OAS1: variants seen among roughly 807,000 people sequenced by gnomAD.
The protein encoded by OAS1 is 2'-5'-oligoadenylate synthetase 1, also known as 2'-5'-oligoadenylate synthase 1.
OAS1 carries 24 observed loss-of-function variants against 38.5 expected under a neutral mutation model. The ratio of observed to expected loss-of-function variants is 0.62; its 90% CI spans 0.45 to 0.88. OAS1 has a LOEUF of 0.88. Ranked by LOEUF, OAS1 falls within the 40% of genes least tolerant of loss-of-function variation. OAS1 has a pLI of 0.00. For synonymous variants in OAS1, 169 were observed against 193.9 expected, an observed-to-expected ratio of 0.87 and a Z score of 1.07; for missense variants, 482 against 493.9, an observed-to-expected ratio of 0.98 and a Z score of 0.23.
Position 112,919,738 on chromosome 12 carries a change from C to T in OAS1, c.*185C>T, listed in dbSNP as rs1246218476. 8 of 1,478,766 alleles carry T rather than the reference C, an allele frequency of 5.4e-6. No homozygotes were observed. Among genetic ancestry groups the T allele is most frequent in the Non-Finnish European group, 7.2e-6 (8 of 1,110,444 alleles). The allele number at this position is 1,478,766 out of a possible 1,614,324, so 91.6% of individuals were successfully genotyped here. On this transcript the variant is annotated 3_prime_UTR_variant, in exon 6 of 6. Coordinates refer to ENST00000202917, the MANE Select transcript of OAS1 (RefSeq NM_016816.4). The stretch of plus-strand genomic sequence containing the variant: ...TCTATCCTATCATAGATAACATTCT[C>T]CACAGCCTCACTTCATTCCACCTAT...
intron 1 of OAS1, 64 bp downstream of exon 1, chr12:112,907,283 TGAGAGAGA>T: frequency 1.4e-6 from 2 of 1,459,876 alleles, no homozygotes. Flanking sequence ...AGATTGAGAA[TGAGAGAGA>T]GAGAGAGAGA....
chr12:112,908,628 G>A lies in OAS1; in HGVS notation c.273G>A (p.Gln91=). The change falls in exon 2 of 6, where the codon CAG becomes CAA. Residue 91 remains glutamine (Q), a synonymous_variant. Transcript: ENST00000202917. The part of the protein sequence containing the change: ...FLSPLTTFQD[Q]LNRRGEFIQE... ...GTCCTCTCACCACTTTTCAGGATCA[G>A]TTAAATCGCCGGGGAGAGTTCATCC... 1 of 1,614,220 alleles carries A rather than the reference G, an allele frequency of 6.2e-7. No individual in the cohort carries two copies. Among genetic ancestry groups the A allele is most frequent in the Non-Finnish European group, 8.5e-7 (1 of 1,180,038 alleles).
intron 6 of OAS1, among the ~76,000 whole-genome samples, chr12:112,924,950 G>A (rs1171123717): frequency 2.0e-5 from 3 of 152,320 alleles, no homozygotes; most frequent in East Asian, 1.9e-4. Context: ...AGAGGACCAA[G>A]TGTGTAAGGA....
At chr12:112,912,373 A>G (rs558859554) in intron 3 of OAS1, among the ~76,000 whole-genome samples, 1 of 152,246 alleles carries the variant, frequency 6.6e-6, no homozygotes, top group African/African-American at 2.4e-5. Flanking sequence ...CAAAAACTCG[A>G]ATTTGGGTCT....
downstream of OAS1, chr12:112,932,751 C>T (rs1482822147): frequency 6.6e-6 from 1 of 152,224 alleles, no homozygotes; most frequent in Non-Finnish European, 1.5e-5. Context: ...GAGGTTCAGA[C>T]AGGTTGAAAT....
chr12:112,924,991 C>T (rs1276780544), intron 6 of OAS1, among the ~76,000 whole-genome samples: 2 of 152,080 alleles, frequency 1.3e-5, no homozygotes, highest in Admixed American at 1.3e-4. Context: ...CATTGAAGCA[C>T]CTGAGCTGGA....
chr12:112,914,733 T>G (rs1275342841), intron 3 of OAS1, among the ~76,000 whole-genome samples: 15 of 125,422 alleles, frequency 1.2e-4, no homozygotes, highest in African/African-American at 6.8e-4. Flanking sequence ...GGTATTTGTT[T>G]TTTTTTTTTT....
chr12:112,928,285 G>C (rs1356539754), intron 6 of OAS1, among the ~76,000 whole-genome samples: 4 of 152,212 alleles, frequency 2.6e-5, no homozygotes, highest in Non-Finnish European at 5.9e-5. Context: ...CCTGCCTCCA[G>C]GGATGGGGTT....
chr12:112,909,800 C>T (rs1474181662), intron 2 of OAS1, among the ~76,000 whole-genome samples: 1 of 152,224 alleles, frequency 6.6e-6, no homozygotes, highest in East Asian at 1.9e-4. Flanking sequence ...AATGCGATGA[C>T]ATCTGTCACA....
Position 112,911,032 on chromosome 12 carries a change from G to A in OAS1, c.470-19G>A, listed in dbSNP as rs749192708. ...TCAGAGAAGAGCTGACACCTAAGTT[G>A]TAGATTTTGCCCGAACAGGTCAGTT... is the stretch of plus-strand genomic sequence containing the variant. On this transcript the variant is annotated intron_variant, in intron 2 of 5. Coordinates refer to ENST00000202917, the MANE Select transcript of OAS1 (RefSeq NM_016816.4). 1.9e-6 allele frequency: 3 copies of A among 1,608,794 alleles called. No individual in the cohort carries two copies. The Admixed American group carries it at 5.0e-5, about 27-fold the overall frequency.
intron 1 of OAS1, among the ~76,000 whole-genome samples, 157 bp from the exon 2 acceptor site, chr12:112,908,379 A>T (rs2043324665): frequency 1.3e-5 from 2 of 152,214 alleles, no homozygotes; most frequent in Admixed American, 1.3e-4. Context: ...ATGGCATCCA[A>T]ATCATAGCAT....
intron 3 of OAS1, among the ~76,000 whole-genome samples, chr12:112,914,135 G>A (rs1289437926): frequency 6.6e-6 from 1 of 152,094 alleles, no homozygotes; most frequent in African/African-American, 2.4e-5. Flanking sequence ...TCATTCTTAT[G>A]CCTTTGCTTC....
At chr12:112,929,496 G>A (rs996706510) in intron 6 of OAS1, among the ~76,000 whole-genome samples, 1 of 152,166 alleles carries the variant, frequency 6.6e-6, no homozygotes, top group African/African-American at 2.4e-5. Context: ...TGCATATTCT[G>A]TTTGGTTCCT....
chr12:112,908,773 C>A lies in OAS1; in HGVS notation c.418C>A (p.Gln140Lys), dbSNP rs1274175858. ...GCTCAGCTTCGTACTGAGTTCGCTC[C>A]AGCTCGGGGAGGGGGTGGAGTTCGA... ...RALSFVLSSL[Q>K]LGEGVEFDVL... The change falls in exon 2 of 6, where the codon CAG becomes AAG. Residue 140 changes from glutamine (Q) to lysine (K), a missense_variant. Gln to Lys is a moderately conservative substitution (Grantham distance 53). Transcript: ENST00000202917. The A allele has an allele frequency of 6.2e-7, 1 of 1,610,460 alleles. No individual in the cohort carries two copies. Among genetic ancestry groups the A allele is most frequent in the Admixed American group, 1.7e-5 (1 of 59,936 alleles).
Position 112,907,168 on chromosome 12 carries a change from A to C in OAS1, c.129A>C (p.Glu43Asp). The change falls in exon 1 of 6, where the codon GAA becomes GAC. Residue 43 changes from glutamate to aspartate, a missense_variant. By Grantham distance (45) the Glu-to-Asp change is conservative. Transcript: ENST00000202917. ...ACATCATCTGTGGGTTCCTGAAGGA[A>C]AGGTGCTTCCGAGGTAGCTCCTACC... is the stretch of plus-strand genomic sequence containing the variant. ...AIDIICGFLK[E>D]RCFRGSSYPV... is the part of the protein sequence containing the mutation. 6.2e-7 allele frequency: 1 copy of C among 1,614,204 alleles called. No homozygotes were observed.
At chr12:112,921,042 G>A (rs948760770), downstream of OAS1, among the ~76,000 whole-genome samples, 2 of 152,092 alleles carry the variant, frequency 1.3e-5, no homozygotes, top group Non-Finnish European at 2.9e-5. Context: ...CTACTCTGGC[G>A]CCATGAGAAC....
In OAS1 at chr12:112,907,012, A is replaced by T; in HGVS notation, c.-28A>T. Reference sequence around the variant, plus strand: ...ATAAAAGCAAACAGGTCTGGGAGGCAGTTCTGTTGCCACTCTCTCTCCTGT... The same window carrying T: ...ATAAAAGCAAACAGGTCTGGGAGGCTGTTCTGTTGCCACTCTCTCTCCTGT... On this transcript the variant is annotated 5_prime_UTR_variant, in exon 1 of 6. Coordinates refer to ENST00000202917, the MANE Select transcript of OAS1 (RefSeq NM_016816.4). The T allele has an allele frequency of 6.2e-7, 1 of 1,613,222 alleles. No individual in the cohort carries two copies. The highest frequency in any genetic ancestry group is 8.5e-7 in the Non-Finnish European group (1 of 1,179,188).
Position 112,912,248 on chromosome 12 carries a change from G to A in OAS1, c.654+1013G>A, listed in dbSNP as rs994123834. On this transcript the variant is annotated intron_variant, in intron 3 of 5. Transcript: ENST00000202917. Reference sequence around the variant, plus strand: ...CCAGCTACTGGGTAGGCTGAGGTGGGAGGATCGCTTGAGCCTGGGAGGAGG... The same window carrying A: ...CCAGCTACTGGGTAGGCTGAGGTGGAAGGATCGCTTGAGCCTGGGAGGAGG... Among the ~76,000 whole-genome samples, 4 of 152,316 alleles carry A rather than the reference G, an allele frequency of 2.6e-5. No individual in the cohort carries two copies. The East Asian group carries it at 7.7e-4, about 29-fold the overall frequency.
At chr12:112,918,689 G>A (rs1234866672) in intron 5 of OAS1, 3 of 455,568 alleles carry the variant, frequency 6.6e-6, no homozygotes, top group Non-Finnish European at 1.3e-5. Flanking sequence ...GGACTCTAAA[G>A]CCAGTGCTCA....
Sources: gnomAD v4.1 joint callset for allele counts (sites outside exome capture counted in the v4.1 genomes callset) on GRCh38, gnomAD v4.1.1 for gene constraint, MANE v1.5 for transcripts, NCBI Gene and HGNC (gene_info 2026-07-23, HGNC 2026-07-21) for gene names.